Variants in SPAG9 observed in about 807,000 individuals in gnomAD.
SPAG9 encodes sperm associated antigen 9.
Under a neutral mutation model 166.5 loss-of-function variants are expected in SPAG9, and 35 were observed. The observed-to-expected ratio is 0.21, with a 90% CI of 0.16 to 0.28. SPAG9 has a LOEUF of 0.28. SPAG9 is among the 10% of genes least tolerant of loss of function. The pLI, the probability that SPAG9 is intolerant of heterozygous loss-of-function variation, is 1.00. For synonymous variants in SPAG9, 534 were observed against 565.5 expected, an observed-to-expected ratio of 0.94 and a Z score of 0.79; for missense variants, 1,235 against 1,603.3, an observed-to-expected ratio of 0.77 and a Z score of 3.92.
In SPAG9 at chr17:50,963,022, T is replaced by C. The variant is rs1482721149; in HGVS notation, c.*3250A>G. On this transcript the variant is annotated 3_prime_UTR_variant, in exon 30 of 30. Coordinates refer to ENST00000262013, the MANE Select transcript of SPAG9 (RefSeq NM_001130528.3). Reference sequence around the variant, plus strand: ...AAAAGTGAGTTCCTAGAGAATATTATCCCTTTGCCTCACAGAGATTTTAAC... The same window carrying C: ...AAAAGTGAGTTCCTAGAGAATATTACCCCTTTGCCTCACAGAGATTTTAAC... 1 of 152,206 alleles carries C rather than the reference T, an allele frequency of 6.6e-6. No individual in the cohort carries two copies. The highest frequency in any genetic ancestry group is 1.5e-5 in the Non-Finnish European group (1 of 68,034). The allele number at this position is 152,206 out of a possible 1,614,324, so 9.4% of individuals were successfully genotyped here.
chr17:51,095,445 G>T (rs1160548037), intron 1 of SPAG9, among the ~76,000 whole-genome samples: 1 of 151,508 alleles, frequency 6.6e-6, no homozygotes, highest in Non-Finnish European at 1.5e-5. Context: ...CGTCTCACTT[G>T]ATCTTAGCCA....
At chr17:51,014,479 A>T in intron 8 of SPAG9, 126 bp from the exon 9 acceptor site, 1 of 750,744 alleles carries the variant, frequency 1.3e-6, no homozygotes, top group Admixed American at 3.1e-5. Context: ...ACTAGAAAAT[A>T]TAACTTAAAA....
chr17:50,981,773 C>T (rs887129372), intron 25 of SPAG9, among the ~76,000 whole-genome samples: 1 of 150,536 alleles, frequency 6.6e-6, no homozygotes, highest in Non-Finnish European at 1.5e-5. Context: ...TGGCTCATGC[C>T]TTAACCCCAG....
intron 10 of SPAG9, 61 bp from the exon 11 acceptor site, chr17:51,006,298 A>T: frequency 6.6e-7 from 1 of 1,514,894 alleles, no homozygotes; most frequent in Admixed American, 1.7e-5. Flanking sequence ...TCTTTCAGCT[A>T]TTCCTTTGTA....
intron 2 of SPAG9, among the ~76,000 whole-genome samples, chr17:51,073,531 C>A (rs1214206897): frequency 2.0e-5 from 3 of 151,622 alleles, no homozygotes; most frequent in East Asian, 3.9e-4. Flanking sequence ...AAATAAGAAG[C>A]TTTGATTCAT....
Position 50,964,631 on chromosome 17 carries a change from A to G in SPAG9, c.*1641T>C, listed in dbSNP as rs1973268020. 5.7e-6 allele frequency: 2 copies of G among 353,596 alleles called. No homozygotes were observed. The highest frequency in any genetic ancestry group is 1.1e-5 in the Non-Finnish European group (2 of 178,600). The allele number at this position is 353,596 out of a possible 1,614,324, so 21.9% of individuals were successfully genotyped here. Reference sequence around the variant, plus strand: ...CATATTTAGCTTTGCCTAGAGTAATAGATAAAAAAGGGTAAATCACACATT... The same window carrying G: ...CATATTTAGCTTTGCCTAGAGTAATGGATAAAAAAGGGTAAATCACACATT... On this transcript the variant is annotated 3_prime_UTR_variant, in exon 30 of 30. Transcript: ENST00000262013.
chr17:51,014,497 T>C lies in SPAG9; in HGVS notation c.1092-144A>G, dbSNP rs2045618449. ...AGAAAATATAACTTAAAAAGATTTCTCAAAGGCTTCCTAAGAAATTCTCAC... is the reference window on the plus strand; with the variant it reads ...AGAAAATATAACTTAAAAAGATTTCCCAAAGGCTTCCTAAGAAATTCTCAC... On this transcript the variant is annotated intron_variant, in intron 8 of 29. Coordinates refer to ENST00000262013, the MANE Select transcript of SPAG9 (RefSeq NM_001130528.3). 6.5e-6 allele frequency: 4 copies of C among 619,932 alleles called. No homozygotes were observed. The East Asian group carries it at 1.2e-4, about 19-fold the overall frequency. 38.4% of individuals were successfully genotyped at this position (619,932 alleles called of 1,614,324 possible). A position where few individuals can be genotyped will look rare whatever the true frequency, so the allele number is the denominator to read the frequency against.
At position 50,965,450 on chromosome 17, in the gene SPAG9, T is replaced by C. The variant is rs1973313336; in HGVS notation, c.*822A>G. 6.6e-6 allele frequency: 1 copy of C among 152,088 alleles called. No individual in the cohort carries two copies. The highest frequency in any genetic ancestry group is 2.1e-4 in the South Asian group (1 of 4,824). The allele number at this position is 152,088 out of a possible 1,614,324, so 9.4% of individuals were successfully genotyped here. Reference sequence around the variant, plus strand: ...CTGGTACAAGAAATACAAAACACATTTCCTTTAAAAAATCCTCCCAGTGCT... The same window carrying C: ...CTGGTACAAGAAATACAAAACACATCTCCTTTAAAAAATCCTCCCAGTGCT... On this transcript the variant is annotated 3_prime_UTR_variant, in exon 30 of 30. Transcript: ENST00000262013.
At chr17:50,990,996 T>A (rs775461262) in intron 19 of SPAG9, among the ~76,000 whole-genome samples, 13 of 150,804 alleles carry the variant, frequency 8.6e-5, no homozygotes, top group Non-Finnish European at 1.9e-4. Context: ...AACCTCCGCC[T>A]CCTTGGCTTA....
intron 27 of SPAG9, among the ~76,000 whole-genome samples, chr17:50,975,654 CA>C (rs1180695194): frequency 2.7e-5 from 4 of 149,196 alleles, no homozygotes; most frequent in Non-Finnish European, 5.9e-5. Context: ...TCAGCTGCAA[CA>C]AAAGATGATA....
chr17:50,998,350 A>G (rs1024821221), intron 15 of SPAG9, 94 bp downstream of exon 15: 1 of 1,186,068 alleles, frequency 8.4e-7, no homozygotes, highest in Admixed American at 2.3e-5. Flanking sequence ...TTTTTTATAG[A>G]TTTACCTGAA....
At chr17:51,090,469 C>G (rs78191318) in intron 1 of SPAG9, among the ~76,000 whole-genome samples, 7 of 151,882 alleles carry the variant, frequency 4.6e-5, no homozygotes, top group Admixed American at 2.0e-4. Context: ...TGCAGTGAGC[C>G]GAGTCCAGCC....
chr17:51,046,855 A>G (rs1299617240), intron 4 of SPAG9: 2 of 1,530,580 alleles, frequency 1.3e-6, no homozygotes, highest in South Asian at 1.2e-5. Flanking sequence ...ATAACCATAG[A>G]GCTGCTGCTC....
At chr17:51,044,999 G>A (rs535205193) in intron 4 of SPAG9, among the ~76,000 whole-genome samples, 1 of 152,116 alleles carries the variant, frequency 6.6e-6, no homozygotes, top group Non-Finnish European at 1.5e-5. Flanking sequence ...ATTTACTCAA[G>A]TAATTTACCA....
At chr17:50,976,416 G>A (rs1168833041) in intron 27 of SPAG9, among the ~76,000 whole-genome samples, 1 of 152,034 alleles carries the variant, frequency 6.6e-6, no homozygotes, top group Non-Finnish European at 1.5e-5. Flanking sequence ...TCTTTTAAAG[G>A]CTTCCGAAAT....
At chr17:51,010,364 A>G (rs1160679120) in intron 9 of SPAG9, among the ~76,000 whole-genome samples, 2 of 152,140 alleles carry the variant, frequency 1.3e-5, no homozygotes. Context: ...AATATGCAAC[A>G]GTGAACAAAG....
At chr17:51,008,113 T>C (rs2045303615) in intron 9 of SPAG9, among the ~76,000 whole-genome samples, 1 of 152,152 alleles carries the variant, frequency 6.6e-6, no homozygotes. Context: ...TATAATTAGA[T>C]TGAAAATCTT....
In SPAG9 at chr17:50,974,726, G is replaced by A. The variant is rs765502275; in HGVS notation, c.3700+45C>T. 4 of 1,506,234 alleles carry A rather than the reference G, an allele frequency of 2.7e-6. No homozygotes were observed. In the East Asian group the frequency reaches 7.0e-5, roughly 26 times the overall value. 93.3% of individuals were successfully genotyped at this position (1,506,234 alleles called of 1,614,324 possible). A position where few individuals can be genotyped will look rare whatever the true frequency, so the allele number is the denominator to read the frequency against. On this transcript the variant is annotated intron_variant, in intron 28 of 29. Coordinates refer to ENST00000262013, the MANE Select transcript of SPAG9 (RefSeq NM_001130528.3). ...GTAGTGGAACCAAGAGATGACAGAA[G>A]AGAGACAATTACATGGAACATCTCA... is the stretch of plus-strand genomic sequence containing the variant.
At chr17:51,012,567 C>A (rs1328559039) in intron 9 of SPAG9, among the ~76,000 whole-genome samples, 1 of 148,764 alleles carries the variant, frequency 6.7e-6, no homozygotes, top group Non-Finnish European at 1.5e-5. Context: ...GAGACTATGT[C>A]TCAAAAAAAA....
Sources: gnomAD v4.1 joint callset for allele counts (sites outside exome capture counted in the v4.1 genomes callset) on GRCh38, gnomAD v4.1.1 for gene constraint, MANE v1.5 for transcripts, NCBI Gene and HGNC (gene_info 2026-07-23, HGNC 2026-07-21) for gene names.